The following JDP2 variants were observed in gnomAD, a reference collection of about 807,000 sequenced individuals.
JDP2 encodes Jun dimerization protein 2.
Under a neutral mutation model 17.1 loss-of-function variants are expected in JDP2, and 9 were observed. The ratio of observed to expected loss-of-function variants is 0.53; its 90% CI spans 0.32 to 0.92. The LOEUF (loss-of-function observed/expected upper bound fraction) is 0.92, where lower values mean the gene tolerates loss of function less well. Ranked by LOEUF, JDP2 falls within the 40% of genes least tolerant of loss-of-function variation. The pLI is 0.04. For synonymous variants in JDP2, 107 were observed against 95.6 expected, an observed-to-expected ratio of 1.12 and a Z score of -0.69; for missense variants, 179 against 220.0, an observed-to-expected ratio of 0.81 and a Z score of 1.18.
At chr14:75,454,663 A>G (rs1311823028) in intron 2 of JDP2, among the ~76,000 whole-genome samples, 2 of 152,200 alleles carry the variant, frequency 1.3e-5, no homozygotes, top group Non-Finnish European at 2.9e-5. Flanking sequence ...TGCACCTTGA[A>G]GGAAATACAC....
At position 75,472,806 on chromosome 14, in the gene JDP2, AC is replaced by A. The variant is rs1377025279; in HGVS notation, c.*3334del. 1 of 152,358 alleles carries A rather than the reference AC, an allele frequency of 6.6e-6. No individual in the cohort carries two copies. Among genetic ancestry groups the A allele is most frequent in the Non-Finnish European group, 1.5e-5 (1 of 68,052 alleles). The allele number at this position is 152,358 out of a possible 1,614,324, so 9.4% of individuals were successfully genotyped here. On this transcript the variant is annotated 3_prime_UTR_variant, in exon 4 of 4. Transcript: ENST00000651602. ...GATGGGCTGCCAAGTTTGTGTTCTGACCCTGTACGTGGTCCCTATGGTGTGA... is the reference window on the plus strand; with the variant it reads ...GATGGGCTGCCAAGTTTGTGTTCTGACCTGTACGTGGTCCCTATGGTGTGA...
chr14:75,461,018 A>G (rs1886326252), intron 2 of JDP2, among the ~76,000 whole-genome samples: 1 of 152,248 alleles, frequency 6.6e-6, no homozygotes. Context: ...AGTACAAGAC[A>G]GCAAGAAAGG....
chr14:75,451,835 A>T (rs1885880631), intron 2 of JDP2, among the ~76,000 whole-genome samples: 1 of 91,646 alleles, frequency 1.1e-5, no homozygotes, highest in African/African-American at 4.3e-5. Flanking sequence ...CTTCTCTGGG[A>T]CTCAGTTTCC....
At chr14:75,464,473 T>G (rs902519743) in intron 3 of JDP2, among the ~76,000 whole-genome samples, 1 of 152,192 alleles carries the variant, frequency 6.6e-6, no homozygotes, top group Non-Finnish European at 1.5e-5. Context: ...AGCATTTACA[T>G]CGTATTAGTC....
chr14:75,460,550 G>T (rs1253751225), intron 2 of JDP2, among the ~76,000 whole-genome samples: 1 of 152,204 alleles, frequency 6.6e-6, no homozygotes, highest in Non-Finnish European at 1.5e-5. Context: ...TTTAAAGGAA[G>T]TGCCTGGGAA....
At chr14:75,467,649 G>C (rs186464033) in intron 3 of JDP2, among the ~76,000 whole-genome samples, 7 of 152,286 alleles carry the variant, frequency 4.6e-5, no homozygotes, top group African/African-American at 1.7e-4. Context: ...GGTCACCAGA[G>C]AGTCACCAGT....
intron 2 of JDP2, among the ~76,000 whole-genome samples, chr14:75,450,683 T>C (rs949661612): frequency 6.6e-6 from 1 of 152,218 alleles, no homozygotes; most frequent in Non-Finnish European, 1.5e-5. Flanking sequence ...GGAAAGAACC[T>C]TGGACTTGGA....
chr14:75,460,251 G>T (rs1886295234), intron 2 of JDP2, among the ~76,000 whole-genome samples: 2 of 152,064 alleles, frequency 1.3e-5, no homozygotes, highest in African/African-American at 2.4e-5. Context: ...GGAGAAGCAA[G>T]CCCGGAGGCT....
At chr14:75,461,273 ACT>A (rs890897643) in intron 2 of JDP2, among the ~76,000 whole-genome samples, 151 bp from the exon 3 acceptor site, 175 of 151,924 alleles carry the variant, frequency 1.2e-3, no homozygotes, top group African/African-American at 4.0e-3. Flanking sequence ...GGTATTTCCA[ACT>A]CTCCAGGCAG....
At chr14:75,451,003 C>G (rs966726038) in intron 2 of JDP2, among the ~76,000 whole-genome samples, 2 of 152,114 alleles carry the variant, frequency 1.3e-5, no homozygotes, top group Non-Finnish European at 2.9e-5. Context: ...AAGGGGACAG[C>G]AGGGCAAAGG....
At chr14:75,434,056 C>T (rs981424609) in intron 1 of JDP2, among the ~76,000 whole-genome samples, 2 of 152,200 alleles carry the variant, frequency 1.3e-5, no homozygotes, top group African/African-American at 2.4e-5. Context: ...GATGATTTCA[C>T]CTCTTGTCAT....
chr14:75,439,880 C>T (rs776745345), intron 2 of JDP2, among the ~76,000 whole-genome samples: 2 of 152,140 alleles, frequency 1.3e-5, no homozygotes. Context: ...AGTAGCTGAG[C>T]AGTTTCATGG....
chr14:75,464,305 A>T lies in JDP2; in HGVS notation c.306+2775A>T, dbSNP rs556767455. 3.9e-5 allele frequency among the ~76,000 whole-genome samples: 6 copies of T among 152,336 alleles called. No individual in the cohort carries two copies. The South Asian group carries it at 1.0e-3, about 26-fold the overall frequency. ...TTAATAAATAGTAATTATTTAAGTA[A>T]GGGGATATATACAGTTGGGACAAAT... is the stretch of plus-strand genomic sequence containing the variant. On this transcript the variant is annotated intron_variant, in intron 3 of 3. Transcript: ENST00000651602.
rs373822498 is a variant in JDP2, at chr14:75,438,110, G to T, written c.190G>T (p.Val64Leu). The T allele has an allele frequency of 1.2e-6, 2 of 1,607,654 alleles. No individual in the cohort carries two copies. The highest frequency in any genetic ancestry group is 2.2e-5 in the East Asian group (1 of 44,688). Residue 64 changes from valine to leucine, a missense_variant, in exon 2 of 4, where the codon GTG becomes TTG. Val to Leu is a conservative substitution (Grantham distance 32). Transcript: ENST00000651602. ...EVKLGKRPQPVKSELDEEEER... is the reference protein window; with the variant it reads ...EVKLGKRPQPLKSELDEEEER... Reference sequence around the variant, plus strand: ...GAAACTGGGCAAGAGGCCCCAGCCCGTGAAAAGTGAGGTGAGCGAGCCTTT... The same window carrying T: ...GAAACTGGGCAAGAGGCCCCAGCCCTTGAAAAGTGAGGTGAGCGAGCCTTT...
Position 75,433,195 on chromosome 14 carries a change from C to CAAAAAAAAAA in JDP2, c.-23-4683_-23-4674dup, listed in dbSNP as rs780191475. Among the ~76,000 whole-genome samples the CAAAAAAAAAA allele has an allele frequency of 8.8e-4, 17 of 19,392 alleles. 1 individual carries two copies. Among genetic ancestry groups the CAAAAAAAAAA allele is most frequent in the Non-Finnish European group, 1.3e-3 (14 of 10,452 alleles). The allele number at this position is 19,392 out of a possible 152,430, so 12.7% of individuals were successfully genotyped here. ...GGGCAACAAGAGTGAAACTCCGTCTCAAAAAAAAAAAAAAAAAAAAAAAAA... is the reference window on the plus strand; with the variant it reads ...GGGCAACAAGAGTGAAACTCCGTCTCAAAAAAAAAAAAAAAAAAAAAAAAAAAAAAAAAAA... On this transcript the variant is annotated intron_variant, in intron 1 of 3. Transcript: ENST00000651602.
intron 2 of JDP2, among the ~76,000 whole-genome samples, chr14:75,454,040 G>A (rs1371186839): frequency 6.6e-6 from 1 of 151,960 alleles, no homozygotes; most frequent in Non-Finnish European, 1.5e-5. Context: ...TTTTGAAAAC[G>A]CTTATGAAAA....
intron 3 of JDP2, among the ~76,000 whole-genome samples, chr14:75,466,491 C>T (rs926228150): frequency 6.6e-6 from 1 of 152,184 alleles, no homozygotes; most frequent in East Asian, 1.9e-4. Context: ...AGTCAGAATT[C>T]AGGATATTCA....
Position 75,469,553 on chromosome 14 carries a change from G to C in JDP2, c.*78G>C. ...AAGAGAGAGGAGGAGGGGGGCCCCA[G>C]ATGGCCCTTCCTTTGGTGCATGAAA... On this transcript the variant is annotated 3_prime_UTR_variant, in exon 4 of 4. Coordinates refer to ENST00000651602, the MANE Select transcript of JDP2 (RefSeq NM_001135048.2). 7.6e-7 allele frequency: 1 copy of C among 1,317,544 alleles called. No homozygotes were observed. Among genetic ancestry groups the C allele is most frequent in the South Asian group, 1.4e-5 (1 of 73,224 alleles). The allele number at this position is 1,317,544 out of a possible 1,614,324, so 81.6% of individuals were successfully genotyped here.
chr14:75,431,532 C>T (rs1322336550), intron 1 of JDP2, among the ~76,000 whole-genome samples: 2 of 152,224 alleles, frequency 1.3e-5, no homozygotes, highest in Admixed American at 6.5e-5. Flanking sequence ...TTCTTGATGG[C>T]ACCTTGTTGC....
Sources: gnomAD v4.1 joint callset for allele counts (sites outside exome capture counted in the v4.1 genomes callset) on GRCh38, gnomAD v4.1.1 for gene constraint, MANE v1.5 for transcripts, NCBI Gene and HGNC (gene_info 2026-07-23, HGNC 2026-07-21) for gene names.